The following ZNF710 variants were observed in gnomAD, a reference collection of about 807,000 sequenced individuals.
The protein encoded by ZNF710 is zinc finger protein 710.
Under a neutral mutation model 50.6 loss-of-function variants are expected in ZNF710, and 13 were observed. The observed-to-expected ratio is 0.26, with a 90% CI of 0.17 to 0.41. The LOEUF (loss-of-function observed/expected upper bound fraction) is 0.41, where lower values mean the gene tolerates loss of function less well. Among genes scored for constraint, ZNF710 ranks in the 10% least tolerant of loss-of-function variants. The probability of loss-of-function intolerance (pLI) is 1.00; values close to 1 mark genes in which losing one functional copy is unlikely to be tolerated. For missense variants in ZNF710, 721 were observed against 936.6 expected (o/e 0.77, Z 3.01); for synonymous variants, 383 against 397.0 (o/e 0.96, Z 0.42).
chr15:90,056,269 C>G (rs1421877132), intron 1 of ZNF710, among the ~76,000 whole-genome samples: 1 of 152,012 alleles, frequency 6.6e-6, no homozygotes, highest in African/African-American at 2.4e-5. Flanking sequence ...AAAAATTAGC[C>G]AGGCCGTGGT....
intron 4 of ZNF710, chr15:90,074,603 C>A: frequency 9.4e-7 from 1 of 1,066,836 alleles, no homozygotes; most frequent in South Asian, 1.5e-5. Flanking sequence ...TTGGCTCTGT[C>A]ATTGTCATCG....
chr15:90,007,610 TA>T (rs1055875727), intron 1 of ZNF710, among the ~76,000 whole-genome samples: 3 of 151,666 alleles, frequency 2.0e-5, no homozygotes, highest in African/African-American at 7.3e-5. Context: ...GGCATAATTG[TA>T]AACACTTTAT....
chr15:90,039,489 C>T (rs1458408273), intron 1 of ZNF710, among the ~76,000 whole-genome samples: 1 of 152,176 alleles, frequency 6.6e-6, no homozygotes, highest in African/African-American at 2.4e-5. Context: ...TGCCCCACGA[C>T]TGGATGAGGT....
intron 1 of ZNF710, among the ~76,000 whole-genome samples, chr15:90,051,044 A>C (rs560743358): frequency 3.0e-4 from 45 of 149,240 alleles, no homozygotes; most frequent in African/African-American, 1.1e-3. Context: ...TTGGAGACCA[A>C]CCTGGCCAAC....
chr15:90,028,021 A>T (rs1898829620), intron 1 of ZNF710, among the ~76,000 whole-genome samples: 1 of 152,204 alleles, frequency 6.6e-6, no homozygotes. Flanking sequence ...CTATTGAATT[A>T]ATATTTGTTG....
chr15:90,068,145 C>A lies in ZNF710; in HGVS notation c.1008C>A (p.Ser336Arg). 6.2e-7 allele frequency: 1 copy of A among 1,614,246 alleles called. No homozygotes were observed. The highest frequency in any genetic ancestry group is 8.5e-7 in the Non-Finnish European group (1 of 1,180,050). Residue 336 changes from serine to arginine, a missense_variant, in exon 2 of 5, where the codon AGC (serine) becomes AGA (arginine). Coordinates refer to ENST00000268154, the MANE Select transcript of ZNF710 (RefSeq NM_198526.4). This position sits in a 1 kb window ranked among gnomAD's most constrained non-coding sequence, Gnocchi z 5.0. ...GCAGCAAGCTCTTCAAGCAGCCCAG[C>A]CACCTGCAGACGCACCTGCTGACGC... Reference protein sequence around the residue: ...PHCSKLFKQPSHLQTHLLTHQ... With the variant: ...PHCSKLFKQPRHLQTHLLTHQ...
intron 1 of ZNF710, among the ~76,000 whole-genome samples, chr15:90,049,412 G>A (rs932003971): frequency 2.0e-5 from 3 of 152,140 alleles, no homozygotes; most frequent in South Asian, 2.1e-4. Context: ...CAGAGGGGAC[G>A]GAAACCCTCA....
intron 1 of ZNF710, among the ~76,000 whole-genome samples, chr15:90,020,395 C>G (rs1350299566): frequency 6.6e-6 from 1 of 152,226 alleles, no homozygotes; most frequent in East Asian, 1.9e-4. Context: ...CCAGGCAGGG[C>G]TGTCCCAGCT....
At chr15:90,055,727 A>G (rs914726640) in intron 1 of ZNF710, among the ~76,000 whole-genome samples, 5 of 152,216 alleles carry the variant, frequency 3.3e-5, no homozygotes, top group Admixed American at 6.5e-5. Context: ...GCACACCTTC[A>G]TGGTCCCCAG....
chr15:90,067,619 T>A lies in ZNF710; in HGVS notation c.482T>A (p.Leu161His). The A allele has an allele frequency of 6.2e-7, 1 of 1,611,666 alleles. No homozygotes were observed. The highest frequency in any genetic ancestry group is 8.5e-7 in the Non-Finnish European group (1 of 1,179,178). Reference protein sequence around the residue: ...VQSSAVKMIDLSAFSRKPRTL... With the variant: ...VQSSAVKMIDHSAFSRKPRTL... Reference sequence around the variant, plus strand: ...AGCAGCGCCGTCAAGATGATCGACCTCAGCGCCTTCAGCCGCAAGCCCCGG... The same window carrying A: ...AGCAGCGCCGTCAAGATGATCGACCACAGCGCCTTCAGCCGCAAGCCCCGG... Residue 161 changes from leucine (L) to histidine (H), a missense_variant, in exon 2 of 5, where the codon CTC (leucine) becomes CAC (histidine). Physicochemically the swap from Leu to His is moderately conservative, Grantham distance 99. This residue lies in a region of ZNF710 where 326 missense variants were observed against 347.1 expected (regional missense o/e 0.94). Coordinates refer to ENST00000268154, the MANE Select transcript of ZNF710 (RefSeq NM_198526.4). The surrounding 1 kb of genome is among the most constrained non-coding windows in gnomAD (Gnocchi z 8.1).
chr15:90,056,074 C>T (rs1284492212), intron 1 of ZNF710, among the ~76,000 whole-genome samples: 1 of 149,498 alleles, frequency 6.7e-6, no homozygotes, highest in Non-Finnish European at 1.5e-5. Flanking sequence ...CAAGATCACA[C>T]CACTACATTC....
intron 1 of ZNF710, among the ~76,000 whole-genome samples, chr15:90,060,958 A>G (rs1159255955): frequency 6.6e-6 from 1 of 152,236 alleles, no homozygotes; most frequent in Non-Finnish European, 1.5e-5. Flanking sequence ...AGGAGCCAAC[A>G]GGCAAGCCTG....
At chr15:90,032,087 C>T (rs1286703642) in intron 1 of ZNF710, among the ~76,000 whole-genome samples, 2 of 152,196 alleles carry the variant, frequency 1.3e-5, no homozygotes, top group Admixed American at 6.5e-5. Flanking sequence ...ACCTCTGGCT[C>T]CCAGGTTCAA....
intron 1 of ZNF710, among the ~76,000 whole-genome samples, chr15:90,014,512 T>TAAAAAAA (rs61272254): frequency 8.1e-6 from 1 of 123,912 alleles, no homozygotes; most frequent in Non-Finnish European, 1.7e-5. Context: ...CCCTATCTCT[T>TAAAAAAA]AAAAAAAAAA....
At chr15:90,023,158 AG>A (rs1898671953) in intron 1 of ZNF710, among the ~76,000 whole-genome samples, 1 of 152,292 alleles carries the variant, frequency 6.6e-6, no homozygotes, top group East Asian at 1.9e-4. Context: ...AAGGAGTGGT[AG>A]TGGGATTTGA....
intron 1 of ZNF710, among the ~76,000 whole-genome samples, chr15:90,039,162 C>G (rs1567230219): frequency 6.6e-6 from 1 of 152,056 alleles, no homozygotes; most frequent in Non-Finnish European, 1.5e-5. Flanking sequence ...GCCTGTAACC[C>G]CAGCTACTCG....
Position 90,059,937 on chromosome 15 carries a change from C to A in ZNF710, c.-28-7173C>A, listed in dbSNP as rs932771726. Among the ~76,000 whole-genome samples, 19 of 152,222 alleles carry A rather than the reference C, an allele frequency of 1.2e-4. No individual in the cohort carries two copies. ...CTGTCCCGCCCACTCCAGCTTCAGC[C>A]TCTCCAGCCCCAGGGCCCTGGACTC... On this transcript the variant is annotated intron_variant, in intron 1 of 4. Transcript: ENST00000268154. This position sits in a 1 kb window ranked among gnomAD's most constrained non-coding sequence, Gnocchi z 4.1.
At position 90,079,824 on chromosome 15, in the gene ZNF710, C is replaced by T; in HGVS notation, c.1990C>T (p.Leu664=). ...AMKEMAYYNV[L] The stretch of plus-strand genomic sequence containing the variant: ...GAAAGAGATGGCCTACTACAATGTG[C>T]TATAGCGCAAGCTGGGCCACCCCTA... Residue 664 remains leucine (L), a synonymous_variant, in exon 5 of 5, where the codon CTA becomes TTA. Transcript: ENST00000268154. 1 of 1,591,664 alleles carries T rather than the reference C, an allele frequency of 6.3e-7. No individual in the cohort carries two copies. The highest frequency in any genetic ancestry group is 8.5e-7 in the Non-Finnish European group (1 of 1,171,374).
intron 1 of ZNF710, among the ~76,000 whole-genome samples, chr15:90,044,167 G>A (rs1899386924): frequency 6.6e-6 from 1 of 152,190 alleles, no homozygotes; most frequent in African/African-American, 2.4e-5. Flanking sequence ...CCAGCCGTAG[G>A]GACCTGTTCG....
Sources: allele counts gnomAD v4.1 joint callset (sites outside exome capture counted in the v4.1 genomes callset), GRCh38; gene constraint gnomAD v4.1.1; regional missense constraint gnomAD v4.1.1; non-coding constraint Gnocchi (gnomAD v3.1); transcripts MANE v1.5; gene names NCBI Gene and HGNC (gene_info 2026-07-23, HGNC 2026-07-21).